The following MAP3K13 variants were observed in gnomAD, a reference collection of about 807,000 sequenced individuals.
The protein encoded by MAP3K13 is leucine zipper-bearing kinase.
Under a neutral mutation model 104.0 loss-of-function variants are expected in MAP3K13, and 52 were observed. The ratio of observed to expected loss-of-function variants is 0.50; its 90% confidence interval spans 0.40 to 0.63. The LOEUF (loss-of-function observed/expected upper bound fraction) is 0.63. Among genes scored for constraint, MAP3K13 ranks in the 20% least tolerant of loss-of-function variants. The pLI is 0.00. For missense variants in MAP3K13, 914 were observed against 1,218.5 expected (o/e 0.75, Z 3.72); for synonymous variants, 394 against 442.2 (o/e 0.89, Z 1.37).
intron 9 of MAP3K13, 31 bp from the exon 10 acceptor site, chr3:185,466,795 C>G (rs1408952481): frequency 9.3e-6 from 15 of 1,613,492 alleles, no homozygotes; most frequent in East Asian, 6.7e-5. Context: ...TCTGCAATGA[C>G]TGAGGTGTGG....
At chr3:185,430,229 A>G (rs910381473) in intron 2 of MAP3K13, among the ~76,000 whole-genome samples, 1 of 152,186 alleles carries the variant, frequency 6.6e-6, no homozygotes, top group Non-Finnish European at 1.5e-5. Flanking sequence ...AACTCCCATC[A>G]TTGTGTAACA....
chr3:185,386,001 TAA>T (rs58244615), intron 1 of MAP3K13, among the ~76,000 whole-genome samples: 4,424 of 147,052 alleles, frequency 0.03, 206 homozygotes, highest in African/African-American at 0.1. Context: ...GACCCTATCT[TAA>T]AAAAAAAAAA....
rs1349479012 is a variant in MAP3K13 at position 185,454,650 on chromosome 3, GATAT to G, written c.1278+3262_1278+3265del. On this transcript the variant is annotated intron_variant, in intron 7 of 13. Coordinates refer to ENST00000265026, the MANE Select transcript of MAP3K13 (RefSeq NM_004721.5). ...AGATATATATATGAGATATATATAT[GATAT>G]ATATATGATATATATGAGATATTTA... Among the ~76,000 whole-genome samples the G allele has an allele frequency of 2.1e-5, 2 of 96,708 alleles. 1 individual carries two copies. The highest frequency in any genetic ancestry group is 8.3e-5 in the African/African-American group (2 of 24,102). The allele number at this position is 96,708 out of a possible 152,430, so 63.4% of individuals were successfully genotyped here.
intron 1 of MAP3K13, among the ~76,000 whole-genome samples, chr3:185,366,252 G>T (rs571975978): frequency 2.8e-4 from 42 of 151,868 alleles, no homozygotes; most frequent in Non-Finnish European, 5.1e-4. Context: ...TTCAAAGTTT[G>T]TCCATGTTGT....
chr3:185,427,694 G>A (rs932190177), intron 1 of MAP3K13, among the ~76,000 whole-genome samples: 4 of 152,216 alleles, frequency 2.6e-5, no homozygotes, highest in Non-Finnish European at 5.9e-5. Flanking sequence ...AAGATGAGTA[G>A]CAACTTATAA....
intron 2 of MAP3K13, chr3:185,328,507 C>G (rs529298801): frequency 6.6e-6 from 1 of 152,220 alleles, no homozygotes; most frequent in Non-Finnish European, 1.5e-5. Flanking sequence ...GTCTCGGCCT[C>G]TCAAAGTGCT....
chr3:185,312,070 G>A (rs1577413991), intron 2 of MAP3K13, among the ~76,000 whole-genome samples: 1 of 152,356 alleles, frequency 6.6e-6, no homozygotes, highest in African/African-American at 2.4e-5. Flanking sequence ...GGTATCATGA[G>A]TGATTTCAGG....
chr3:185,341,214 G>A (rs1486296476), intron 2 of MAP3K13, among the ~76,000 whole-genome samples: 7 of 152,218 alleles, frequency 4.6e-5, no homozygotes, highest in African/African-American at 1.4e-4. Context: ...TAGTTAGGGT[G>A]GACTCTAAAT....
chr3:185,468,889 T>C (rs949892140), intron 10 of MAP3K13, among the ~76,000 whole-genome samples: 1 of 152,212 alleles, frequency 6.6e-6, no homozygotes, highest in Admixed American at 6.5e-5. Context: ...GCCTTCTGCC[T>C]ACAGTTAAAA....
intron 2 of MAP3K13, among the ~76,000 whole-genome samples, chr3:185,347,527 T>C (rs924769733): frequency 3.9e-5 from 6 of 152,328 alleles, no homozygotes; most frequent in African/African-American, 1.4e-4. Flanking sequence ...GTCCGACTTA[T>C]AAATTATTCT....
At chr3:185,362,374 GAAACCA>G (rs1723663704), upstream of MAP3K13, among the ~76,000 whole-genome samples, 1 of 152,130 alleles carries the variant, frequency 6.6e-6, no homozygotes, top group South Asian at 2.1e-4. Context: ...ACATCTTACT[GAAACCA>G]AAATTTGTTC....
At position 185,450,173 on chromosome 3, in the gene MAP3K13, T is replaced by C. The variant is rs550559514; in HGVS notation, c.1169+115T>C. 2.2e-6 allele frequency: 2 copies of C among 926,696 alleles called. No individual in the cohort carries two copies. Among genetic ancestry groups the C allele is most frequent in the East Asian group, 2.8e-5 (1 of 35,540 alleles). 57.4% of individuals were successfully genotyped at this position (926,696 alleles called of 1,614,324 possible). ...GTAGGAGAATCTTGGGTTCAAATAC[T>C]AGCTCTGCCCCTTTCTATCTGTGCA... On this transcript the variant is annotated intron_variant, in intron 6 of 13. Transcript: ENST00000265026. This position sits in a 1 kb window ranked among gnomAD's most constrained non-coding sequence, Gnocchi z 4.2.
chr3:185,337,382 G>A (rs1295820725), intron 2 of MAP3K13, among the ~76,000 whole-genome samples: 4 of 152,222 alleles, frequency 2.6e-5, no homozygotes, highest in African/African-American at 9.7e-5. Context: ...AAGTACAGCA[G>A]CCTTTTCTCT....
At chr3:185,357,478 AAAAG>A (rs1041676537) in intron 2 of MAP3K13, among the ~76,000 whole-genome samples, 12 of 151,814 alleles carry the variant, frequency 7.9e-5, no homozygotes, top group African/African-American at 2.2e-4. Context: ...GAAAAAAAGA[AAAAG>A]AAAGAAAGAA....
At chr3:185,380,869 G>A (rs746603868) in intron 1 of MAP3K13, among the ~76,000 whole-genome samples, 1 of 151,858 alleles carries the variant, frequency 6.6e-6, no homozygotes, top group Non-Finnish European at 1.5e-5. Flanking sequence ...GAACTACTAC[G>A]AGAAGCAGGC....
At chr3:185,451,146 A>G (rs1715858252) in intron 6 of MAP3K13, 141 bp from the exon 7 acceptor site, 2 of 594,198 alleles carry the variant, frequency 3.4e-6, no homozygotes, top group East Asian at 2.8e-5. Flanking sequence ...CAGTTATGCT[A>G]TCCTGATATA....
At chr3:185,453,856 T>C (rs1285321120) in intron 7 of MAP3K13, among the ~76,000 whole-genome samples, 20 of 4,254 alleles carry the variant, frequency 4.7e-3, no homozygotes, top group African/African-American at 8.0e-3. Context: ...ATATATGAGA[T>C]ATATATATAT....
At position 185,488,235 on chromosome 3, in the gene MAP3K13, TA is replaced by T. The variant is rs1183198713; in HGVS notation, c.*5780del. The T allele has an allele frequency of 1.3e-5, 2 of 152,236 alleles. No individual in the cohort carries two copies. Among genetic ancestry groups the T allele is most frequent in the African/African-American group, 2.4e-5 (1 of 41,462 alleles). 9.4% of individuals were successfully genotyped at this position (152,236 alleles called of 1,614,324 possible). A position where few individuals can be genotyped will look rare whatever the true frequency, so the allele number is the denominator to read the frequency against. ...TTGACTTGTACGGTCAGTATGAATT[TA>T]GTGCCTTTCCAGGCAGCAAAATGTT... On this transcript the variant is annotated 3_prime_UTR_variant, in exon 14 of 14. Coordinates refer to ENST00000265026, the MANE Select transcript of MAP3K13 (RefSeq NM_004721.5).
intron 3 of MAP3K13, among the ~76,000 whole-genome samples, chr3:185,442,189 TAAA>T (rs35886405): frequency 6.9e-6 from 1 of 144,684 alleles, no homozygotes. Context: ...GACTCTTTCT[TAAA>T]AAAAAAAAAA....
Sources: gnomAD v4.1 joint callset for allele counts (sites outside exome capture counted in the v4.1 genomes callset) on GRCh38, gnomAD v4.1.1 for gene constraint, Gnocchi (gnomAD v3.1) non-coding constraint, MANE v1.5 for transcripts, NCBI Gene and HGNC (gene_info 2026-07-23, HGNC 2026-07-21) for gene names.